GPHN: variants seen among roughly 807,000 people sequenced by gnomAD.
The protein encoded by GPHN is gephyrin.
A neutral mutation model predicts 95.5 loss-of-function variants in GPHN; 17 were observed. The ratio of observed to expected loss-of-function variants is 0.18; its 90% CI spans 0.12 to 0.27. GPHN has a LOEUF of 0.27. GPHN is among the 10% of genes least tolerant of loss of function. The pLI, the probability that GPHN is intolerant of heterozygous loss-of-function variation, is 1.00. For missense variants in GPHN, 660 were observed against 978.1 expected (o/e 0.67, Z 4.34); for synonymous variants, 320 against 322.5 (o/e 0.99, Z 0.08).
rs183758258 is a variant in GPHN, at chr14:66,573,564, T to C, written c.64+64973T>C. Among the ~76,000 whole-genome samples, 5 of 151,970 alleles carry C rather than the reference T, an allele frequency of 3.3e-5. No homozygotes were observed. The East Asian group carries it at 5.8e-4, about 18-fold the overall frequency. On this transcript the variant is annotated intron_variant, in intron 1 of 22. Transcript: ENST00000478722. ...GCCTCTTGGGTTCAAGTGATTCTCCTGCCTCAGCCTTCTGAGTAGCTGGGA... is the reference window on the plus strand; with the variant it reads ...GCCTCTTGGGTTCAAGTGATTCTCCCGCCTCAGCCTTCTGAGTAGCTGGGA...
intron 2 of GPHN, among the ~76,000 whole-genome samples, chr14:66,684,126 A>G (rs1016532973): frequency 2.6e-5 from 4 of 152,202 alleles, no homozygotes; most frequent in African/African-American, 7.2e-5. Flanking sequence ...AGTGAATGCT[A>G]TGTATGTTGA....
chr14:66,652,019 T>C (rs1216710650), intron 1 of GPHN, among the ~76,000 whole-genome samples: 1 of 152,068 alleles, frequency 6.6e-6, no homozygotes, highest in East Asian at 1.9e-4. Flanking sequence ...CACGGAAACA[T>C]TGTCTTCCAT....
At chr14:66,840,970 GATAGATATAGAT>G (rs55658047) in intron 4 of GPHN, among the ~76,000 whole-genome samples, 53,956 of 120,982 alleles carry the variant, frequency 0.45, 13,001 homozygotes, top group Non-Finnish European at 0.52. Context: ...AAGCCTACTA[GATAGATATAGAT>G]ATAGATATAG....
At chr14:67,289,141 A>AT in the GPHN span, among the ~76,000 whole-genome samples, 77,218 of 150,728 alleles carry the variant, frequency 0.51, 23,058 homozygotes, top group African/African-American at 0.83. Flanking sequence ...TAATTTTTGC[A>AT]TTTTTTTGTA....
intron 2 of GPHN, among the ~76,000 whole-genome samples, chr14:66,681,627 G>A (rs1173574630): frequency 5.6e-4 from 85 of 152,056 alleles, no homozygotes; most frequent in Non-Finnish European, 1.5e-5. Flanking sequence ...TATTTCTGAT[G>A]TTTTACATAT....
chr14:67,539,038 C>T, the GPHN span, among the ~76,000 whole-genome samples: 5 of 152,190 alleles, frequency 3.3e-5, no homozygotes, highest in African/African-American at 9.7e-5. Context: ...AAAGGGATTA[C>T]ATTTCCCTTG....
At chr14:67,205,077 G>C in the GPHN span, 5 of 1,550,178 alleles carry the variant, frequency 3.2e-6, no homozygotes, top group Non-Finnish European at 2.6e-6. Context: ...TCAGGGCCAA[G>C]CAAGAGGAGA....
At chr14:66,940,991 C>T (rs942625229) in intron 8 of GPHN, among the ~76,000 whole-genome samples, 1 of 152,106 alleles carries the variant, frequency 6.6e-6, no homozygotes, top group Non-Finnish European at 1.5e-5. Context: ...CTTACTTTCC[C>T]AAAAAGGAAA....
At chr14:66,665,136 G>C (rs2065879028) in intron 1 of GPHN, among the ~76,000 whole-genome samples, 5 of 152,056 alleles carry the variant, frequency 3.3e-5, no homozygotes, top group Admixed American at 3.3e-4. Context: ...CATTCTATGA[G>C]GCTAACATCA....
the GPHN span, chr14:67,587,055 A>G: frequency 6.4e-7 from 1 of 1,569,134 alleles, no homozygotes; most frequent in Non-Finnish European, 8.7e-7. Context: ...ATTCCTTCAC[A>G]TCTCTGACCT....
chr14:67,116,910 G>A (rs1595212554), intron 16 of GPHN, among the ~76,000 whole-genome samples: 2 of 152,076 alleles, frequency 1.3e-5, no homozygotes, highest in East Asian at 3.8e-4. Flanking sequence ...TTTCCCCAGA[G>A]TTGTGTTAAA....
chr14:67,024,330 C>A (rs2073816766), intron 10 of GPHN, among the ~76,000 whole-genome samples: 1 of 151,984 alleles, frequency 6.6e-6, no homozygotes, highest in Non-Finnish European at 1.5e-5. Flanking sequence ...GATTTGGGAT[C>A]CTAAGAAAAA....
At chr14:66,587,994 G>A (rs895384490) in intron 1 of GPHN, among the ~76,000 whole-genome samples, 3 of 152,142 alleles carry the variant, frequency 2.0e-5, no homozygotes, top group African/African-American at 7.2e-5. Context: ...AGAGCTCCGG[G>A]TGGCATCTGC....
intron 8 of GPHN, among the ~76,000 whole-genome samples, chr14:66,941,713 G>A (rs574741411): frequency 1.3e-5 from 2 of 150,956 alleles, no homozygotes; most frequent in East Asian, 3.9e-4. Context: ...TTCTCCAATT[G>A]CATCCTGTTG....
chr14:66,559,496 T>G (rs932747093), intron 1 of GPHN, among the ~76,000 whole-genome samples: 3 of 151,024 alleles, frequency 2.0e-5, no homozygotes, highest in Admixed American at 1.3e-4. Context: ...TCAGTGATGA[T>G]GAGCATTTTT....
chr14:67,527,827 C>T, the GPHN span, among the ~76,000 whole-genome samples: 1 of 152,210 alleles, frequency 6.6e-6, no homozygotes, highest in African/African-American at 2.4e-5. Context: ...AAAGTAGTGG[C>T]TGAGCAAGAA....
At chr14:66,676,857 T>G (rs188654898) in intron 1 of GPHN, among the ~76,000 whole-genome samples, 1 of 152,040 alleles carries the variant, frequency 6.6e-6, no homozygotes, top group East Asian at 1.9e-4. Flanking sequence ...AATTTCCACC[T>G]TTTTAATTTT....
At chr14:66,844,838 TC>T (rs2062251614) in intron 4 of GPHN, among the ~76,000 whole-genome samples, 1 of 152,082 alleles carries the variant, frequency 6.6e-6, no homozygotes, top group South Asian at 2.1e-4. Flanking sequence ...ACTTTTATCA[TC>T]CCATTTAGAA....
chr14:67,574,299 G>C, the GPHN span: 1 of 1,607,460 alleles, frequency 6.2e-7, no homozygotes, highest in South Asian at 1.1e-5. This position sits in a 1 kb window ranked among gnomAD's most constrained non-coding sequence, Gnocchi z 4.2. Context: ...CCTGCTGGAG[G>C]AGTGGATCCG....
Sources: gnomAD v4.1 joint callset for allele counts (sites outside exome capture counted in the v4.1 genomes callset) on GRCh38, gnomAD v4.1.1 for gene constraint, Gnocchi (gnomAD v3.1) non-coding constraint, MANE v1.5 for transcripts, NCBI Gene and HGNC (gene_info 2026-07-23, HGNC 2026-07-21) for gene names.